Variants in SBF2 observed in about 807,000 individuals in gnomAD.
SBF2 encodes myotubularin-related protein 13.
In SBF2, 112 loss-of-function variants were observed where a neutral mutation model predicts 225.2. That is an observed-to-expected ratio of 0.50 (90% CI 0.43 to 0.58). SBF2 has a LOEUF of 0.58. SBF2 is among the 20% of genes least tolerant of loss of function. SBF2 has a pLI of 0.00. For synonymous variants in SBF2, 763 were observed against 773.3 expected (o/e 0.99, Z 0.22); for missense variants, 1,996 against 2,206.2 (o/e 0.90, Z 1.91).
At chr11:9,935,764 C>T (rs1390351922) in intron 16 of SBF2, among the ~76,000 whole-genome samples, 2 of 152,126 alleles carry the variant, frequency 1.3e-5, no homozygotes, top group African/African-American at 4.8e-5. Flanking sequence ...ATGTAGAAAG[C>T]TGAAACTGGA....
intron 6 of SBF2, among the ~76,000 whole-genome samples, chr11:10,010,972 T>C (rs988685888): frequency 2.2e-4 from 34 of 152,308 alleles, no homozygotes; most frequent in South Asian, 1.0e-3. Flanking sequence ...TAAGTTGTAT[T>C]CCTAGGTATT....
chr11:10,089,329 G>A (rs1951692476), intron 2 of SBF2, among the ~76,000 whole-genome samples: 1 of 152,186 alleles, frequency 6.6e-6, no homozygotes, highest in East Asian at 1.9e-4. Flanking sequence ...GTCATTGACT[G>A]GAAAATCATT....
intron 3 of SBF2, among the ~76,000 whole-genome samples, chr11:10,040,727 GGT>G (rs1026235279): frequency 6.6e-6 from 1 of 151,360 alleles, no homozygotes; most frequent in African/African-American, 2.4e-5. Flanking sequence ...AAAGAATTTA[GGT>G]GTGTGTGTGT....
Position 9,849,895 on chromosome 11 carries a change from C to T in SBF2, c.2806+128G>A, listed in dbSNP as rs558892979. ...AGCTCTGTCAGACTAAAGTATTTCA[C>T]CAAAATACCTGTGTGGCAAAAAGCT... On this transcript the variant is annotated intron_variant, in intron 22 of 39. Transcript: ENST00000256190. The T allele has an allele frequency of 2.1e-4, 187 of 893,512 alleles. 1 individual carries two copies. The highest frequency in any genetic ancestry group is 1.6e-3 in the Middle Eastern group (5 of 3,216). The allele number at this position is 893,512 out of a possible 1,614,324, so 55.3% of individuals were successfully genotyped here.
intron 2 of SBF2, among the ~76,000 whole-genome samples, chr11:10,144,841 C>T (rs1399038946): frequency 1.3e-5 from 2 of 152,222 alleles, no homozygotes; most frequent in South Asian, 2.1e-4. Flanking sequence ...GACTTCTCTT[C>T]TGTTACAACC....
At chr11:9,798,962 A>AC (rs1341827343) in intron 32 of SBF2, among the ~76,000 whole-genome samples, 4 of 151,524 alleles carry the variant, frequency 2.6e-5, no homozygotes, top group Non-Finnish European at 4.4e-5. Flanking sequence ...AAAAAAAAAA[A>AC]AAACCAAAAA....
chr11:10,283,625 A>AT, intron 1 of SBF2, among the ~76,000 whole-genome samples: 1 of 151,822 alleles, frequency 6.6e-6, no homozygotes, highest in Non-Finnish European at 1.5e-5. Flanking sequence ...GACAGAAGAA[A>AT]TAAAAAAAAG....
At chr11:9,922,117 G>A (rs1054662167) in intron 16 of SBF2, among the ~76,000 whole-genome samples, 3 of 151,856 alleles carry the variant, frequency 2.0e-5, no homozygotes, top group East Asian at 1.9e-4. Flanking sequence ...ATGGTGGTGC[G>A]CACCTGCAGT....
At chr11:10,253,469 C>T (rs938217668) in intron 1 of SBF2, among the ~76,000 whole-genome samples, 4 of 152,116 alleles carry the variant, frequency 2.6e-5, no homozygotes, top group African/African-American at 4.8e-5. Context: ...CTTGGAAACG[C>T]TTTTCTTAAT....
At chr11:10,013,206 G>C (rs948377047) in intron 6 of SBF2, among the ~76,000 whole-genome samples, 3 of 152,172 alleles carry the variant, frequency 2.0e-5, no homozygotes, top group African/African-American at 4.8e-5. Context: ...CTGTAATTCA[G>C]ACAGGCATCT....
Position 9,916,749 on chromosome 11 carries a change from T to C in SBF2, c.1861-20738A>G, listed in dbSNP as rs1863131317. Among the ~76,000 whole-genome samples the C allele has an allele frequency of 3.3e-5, 5 of 151,950 alleles. No homozygotes were observed. The South Asian group carries it at 1.0e-3, about 32-fold the overall frequency. ...GTAGCTGAGATTACACACATCTGGC[T>C]AATTTTTAAATTTTTTGTAGGGATG... is the stretch of plus-strand genomic sequence containing the variant. On this transcript the variant is annotated intron_variant, in intron 16 of 39. Transcript: ENST00000256190.
chr11:10,176,360 T>C (rs1425608324), intron 2 of SBF2, among the ~76,000 whole-genome samples: 24 of 151,014 alleles, frequency 1.6e-4, no homozygotes, highest in African/African-American at 5.1e-4. Flanking sequence ...CTGAAGGAAA[T>C]AGAGACACAA....
chr11:9,922,773 T>C (rs1200861113), intron 16 of SBF2, among the ~76,000 whole-genome samples: 1 of 152,148 alleles, frequency 6.6e-6, no homozygotes, highest in Non-Finnish European at 1.5e-5. Flanking sequence ...TTCCCCCTCT[T>C]TCCACTTCTT....
chr11:10,127,811 G>C (rs1024256553), intron 2 of SBF2, among the ~76,000 whole-genome samples: 3 of 152,112 alleles, frequency 2.0e-5, no homozygotes, highest in African/African-American at 7.2e-5. Flanking sequence ...AAGTGGTTAA[G>C]AGCTCAAGAT....
At chr11:10,036,282 G>A (rs184253989) in intron 3 of SBF2, among the ~76,000 whole-genome samples, 115 of 152,234 alleles carry the variant, frequency 7.6e-4, no homozygotes, top group African/African-American at 2.7e-3. Context: ...GGTTAGGGGA[G>A]CGATAGCATT....
At chr11:9,866,796 T>C (rs925551444) in intron 17 of SBF2, among the ~76,000 whole-genome samples, 1 of 151,944 alleles carries the variant, frequency 6.6e-6, no homozygotes, top group Non-Finnish European at 1.5e-5. Flanking sequence ...AGAAACAACA[T>C]ACAAAATGGG....
At chr11:10,243,745 T>A (rs1370051493) in intron 1 of SBF2, among the ~76,000 whole-genome samples, 1 of 152,006 alleles carries the variant, frequency 6.6e-6, no homozygotes, top group Admixed American at 6.6e-5. Flanking sequence ...CAAGGCTGAA[T>A]TAAGAAGAAA....
At chr11:10,019,003 T>C (rs1042649881) in intron 6 of SBF2, among the ~76,000 whole-genome samples, 16 of 152,196 alleles carry the variant, frequency 1.1e-4, no homozygotes, top group African/African-American at 3.9e-4. Context: ...AAGAGTTTGC[T>C]CTTGGTATCT....
chr11:10,054,152 T>C (rs1466479088), intron 2 of SBF2, among the ~76,000 whole-genome samples: 1 of 152,224 alleles, frequency 6.6e-6, no homozygotes, highest in African/African-American at 2.4e-5. Flanking sequence ...CCTATATTGC[T>C]TTTGGTAAAA....
Sources: allele counts gnomAD v4.1 joint callset (sites outside exome capture counted in the v4.1 genomes callset), GRCh38; gene constraint gnomAD v4.1.1; transcripts MANE v1.5; gene names NCBI Gene and HGNC (gene_info 2026-07-23, HGNC 2026-07-21).